Variants in CGREF1 observed in about 807,000 individuals in gnomAD.
CGREF1 encodes cell growth regulator with EF hand domain protein 1.
CGREF1 carries 16 observed loss-of-function variants against 17.4 expected under a neutral mutation model. That is an observed-to-expected ratio of 0.92 (90% CI 0.62 to 1.40). The LOEUF (loss-of-function observed/expected upper bound fraction) is 1.40, where lower values mean the gene tolerates loss of function less well. Among genes scored for constraint, CGREF1 ranks in the 40% most tolerant of loss-of-function variants. The pLI is 0.00. For synonymous variants in CGREF1, 142 were observed against 154.6 expected (o/e 0.92, Z 0.61); for missense variants, 296 against 376.4 (o/e 0.79, Z 1.77).
At chr2:27,116,904 TC>T (rs767254982) in intron 1 of CGREF1, among the ~76,000 whole-genome samples, 5,426 of 130,534 alleles carry the variant, frequency 0.042, 248 homozygotes, top group Middle Eastern at 0.071. Flanking sequence ...TCTCTCTCTC[TC>T]TCTCTCTCTC....
At chr2:27,099,551 C>T (rs1670656739), downstream of CGREF1, 2 of 1,614,042 alleles carry the variant, frequency 1.2e-6, no homozygotes, top group Non-Finnish European at 1.7e-6. Flanking sequence ...ACCTTCAATG[C>T]CTCCGTCATC....
Position 27,101,122 on chromosome 2 carries a change from G to A in CGREF1, c.*152C>T. The stretch of plus-strand genomic sequence containing the variant: ...ATTGGTAATCTGCCCCTTAACTTAG[G>A]GTCTCCCTGAGCTGCACAGAAAGAC... On this transcript the variant is annotated 3_prime_UTR_variant, in exon 6 of 6. Transcript: ENST00000402394. 1.4e-6 allele frequency: 2 copies of A among 1,407,216 alleles called. No homozygotes were observed. Among genetic ancestry groups the A allele is most frequent in the Non-Finnish European group, 1.8e-6 (2 of 1,087,628 alleles). The allele number at this position is 1,407,216 out of a possible 1,614,324, so 87.2% of individuals were successfully genotyped here.
downstream of CGREF1, chr2:27,099,920 A>G: frequency 3.5e-6 from 5 of 1,448,230 alleles, no homozygotes; most frequent in Admixed American, 5.9e-5. Flanking sequence ...CTCTGGGGGG[A>G]TGGCTGGGGG....
In CGREF1 at chr2:27,107,947, A is replaced by AAAAAG. The variant is rs560388861; in HGVS notation, c.-11-3571_-11-3570insCTTTT. Among the ~76,000 whole-genome samples the AAAAAG allele has an allele frequency of 7.4e-5, 11 of 148,392 alleles. No individual in the cohort carries two copies. The South Asian group carries it at 1.7e-3, about 23-fold the overall frequency. ...AGACTCTGTCTCAAAAAAAAAAAAA[A>AAAAAG]AAAGAAAGAAAGAAAGAAATAAGAG... On this transcript the variant is annotated intron_variant, in intron 1 of 5. Coordinates refer to ENST00000402394, the MANE Select transcript of CGREF1 (RefSeq NM_006569.6).
chr2:27,102,738 G>C, intron 2 of CGREF1, 147 bp from the exon 3 acceptor site: 1 of 977,912 alleles, frequency 1.0e-6, no homozygotes, highest in South Asian at 1.7e-5. Context: ...TAGTGGGGAG[G>C]CTCTTCTGGT....
rs1671032860 is a variant in CGREF1 at position 27,104,335 on chromosome 2, AG to A, written c.31del (p.Leu11CysfsTer45). On this transcript the variant is annotated frameshift_variant, in exon 2 of 6. Coordinates refer to ENST00000402394, the MANE Select transcript of CGREF1 (RefSeq NM_006569.6). LOFTEE classifies it high-confidence loss of function. ...AGCCTGACCCGTGGGGAGCAGCAGC[AG>A]GATTAACACTGTCATCGTCAAAGGT... Reference protein sequence around the residue: MLPLTMTVLILLLLPTGQAAP... With the variant: MLPLTMTVLIXLLLPTGQAAP... The A allele has an allele frequency of 1.3e-6, 2 of 1,598,320 alleles. No individual in the cohort carries two copies.
At chr2:27,113,469 C>T (rs1490101251) in intron 1 of CGREF1, among the ~76,000 whole-genome samples, 3 of 152,128 alleles carry the variant, frequency 2.0e-5, no homozygotes, top group Non-Finnish European at 2.9e-5. Flanking sequence ...CTCTTAAGGT[C>T]GAATTACTTT....
intron 2 of CGREF1, chr2:27,102,962 G>GGACA (rs1670964315): frequency 1.0e-6 from 1 of 985,316 alleles, no homozygotes; most frequent in Non-Finnish European, 1.2e-6. Flanking sequence ...GGGAGCCAAG[G>GGACA]GACAGGTCTC....
chr2:27,106,604 G>T (rs576558871), intron 1 of CGREF1, among the ~76,000 whole-genome samples: 1 of 152,240 alleles, frequency 6.6e-6, no homozygotes, highest in African/African-American at 2.4e-5. Context: ...CTGATCTAAT[G>T]TGGATTTTTT....
Position 27,102,528 on chromosome 2 carries a change from G to A in CGREF1, c.144C>T (p.Leu48=), listed in dbSNP as rs539719075. ...CACCCCCGGCCCACCCTACTCACCC[G>A]AGCTGCTCCTGGCCTGGCTGGAAGG... ...PNPFQPGQEQ[L]GLLQSYLKGL... Residue 48 remains leucine (L), a splice_region_variant and synonymous_variant, in exon 3 of 6, where the codon CTC becomes CTT. Coordinates refer to ENST00000402394, the MANE Select transcript of CGREF1 (RefSeq NM_006569.6). 37 of 1,613,982 alleles carry A rather than the reference G, an allele frequency of 2.3e-5. No individual in the cohort carries two copies. The highest frequency in any genetic ancestry group is 1.1e-4 in the African/African-American group (8 of 75,044).
Position 27,100,698 on chromosome 2 carries a change from T to C in CGREF1, c.*576A>G, listed in dbSNP as rs1670769675. ...TCTGTCAAATGGAACCAATTCTGCT[T>C]GGCTACAGAATTATTGTGAGGATAA... On this transcript the variant is annotated 3_prime_UTR_variant, in exon 6 of 6. Coordinates refer to ENST00000402394, the MANE Select transcript of CGREF1 (RefSeq NM_006569.6). 1 of 1,096,384 alleles carries C rather than the reference T, an allele frequency of 9.1e-7. No homozygotes were observed. Among genetic ancestry groups the C allele is most frequent in the Non-Finnish European group, 1.2e-6 (1 of 853,346 alleles). The allele number at this position is 1,096,384 out of a possible 1,614,324, so 67.9% of individuals were successfully genotyped here.
chr2:27,113,990 CT>C (rs60288087), intron 1 of CGREF1, among the ~76,000 whole-genome samples: 5,091 of 102,344 alleles, frequency 0.05, 66 homozygotes, highest in African/African-American at 0.18. Context: ...TAGCAGGTGC[CT>C]TTTTTTTTTT....
chr2:27,100,414 A>G (rs973719326), downstream of CGREF1: 1 of 1,290,158 alleles, frequency 7.8e-7, no homozygotes, highest in African/African-American at 1.5e-5. Context: ...CTTGGAGCCC[A>G]CCTTGGAATT....
downstream of CGREF1, chr2:27,100,461 CAG>C (rs2148374968): frequency 5.4e-6 from 7 of 1,291,034 alleles, no homozygotes; most frequent in South Asian, 7.4e-5. Context: ...ACCCAGGATA[CAG>C]AGTGTTGCTG....
rs1407996777 is a variant in CGREF1 at position 27,104,426 on chromosome 2, C to T, written c.-11-49G>A. ...GGTCGGGGGAAAGAGGCGTCTGCCA[C>T]CGTGTCACAGATGGGCTGGGTTAGA... is the stretch of plus-strand genomic sequence containing the variant. On this transcript the variant is annotated intron_variant, in intron 1 of 5. Transcript: ENST00000402394. 5.6e-6 allele frequency: 9 copies of T among 1,601,548 alleles called. No homozygotes were observed. The East Asian group carries it at 1.6e-4, about 28-fold the overall frequency.
chr2:27,111,604 C>T (rs1313157875), intron 1 of CGREF1, among the ~76,000 whole-genome samples: 1 of 152,188 alleles, frequency 6.6e-6, no homozygotes, highest in Non-Finnish European at 1.5e-5. Context: ...CAGGAGCCCA[C>T]GGCAGTGGGG....
intron 2 of CGREF1, 36 bp from the exon 3 acceptor site, chr2:27,102,627 G>A (rs775107567): frequency 6.3e-7 from 1 of 1,584,572 alleles, no homozygotes; most frequent in Non-Finnish European, 8.6e-7. Context: ...CTTGCAGAGA[G>A]CCTCCCTCAG....
At chr2:27,106,085 A>T (rs544080508) in intron 1 of CGREF1, among the ~76,000 whole-genome samples, 1 of 152,242 alleles carries the variant, frequency 6.6e-6, no homozygotes, top group Non-Finnish European at 1.5e-5. Context: ...CTCTGTATCA[A>T]CATGAAACCG....
At position 27,102,507 on chromosome 2, in the gene CGREF1, C is replaced by A. The variant is rs1371866228; in HGVS notation, c.146+19G>T. Reference sequence around the variant, plus strand: ...GCCTGGTCTTCTCCCTGAAAGCACCCCCGGCCCACCCTACTCACCCGAGCT... The same window carrying A: ...GCCTGGTCTTCTCCCTGAAAGCACCACCGGCCCACCCTACTCACCCGAGCT... On this transcript the variant is annotated intron_variant, in intron 3 of 5. Coordinates refer to ENST00000402394, the MANE Select transcript of CGREF1 (RefSeq NM_006569.6). 9 of 1,613,800 alleles carry A rather than the reference C, an allele frequency of 5.6e-6. 1 individual carries two copies. The highest frequency in any genetic ancestry group is 7.6e-6 in the Non-Finnish European group (9 of 1,179,820).
Sources: allele counts gnomAD v4.1 joint callset (sites outside exome capture counted in the v4.1 genomes callset), GRCh38; gene constraint gnomAD v4.1.1; transcripts MANE v1.5; gene names NCBI Gene and HGNC (gene_info 2026-07-23, HGNC 2026-07-21).